ZDHHC15: variants seen among roughly 807,000 people sequenced by gnomAD.
ZDHHC15 encodes the protein palmitoyltransferase ZDHHC15.
ZDHHC15 carries 19 observed loss-of-function variants against 31.7 expected under a neutral mutation model. That is an observed-to-expected ratio of 0.60 (90% CI 0.42 to 0.88). The LOEUF (loss-of-function observed/expected upper bound fraction) is 0.88. Among genes scored for constraint, ZDHHC15 ranks in the 40% least tolerant of loss-of-function variants. The probability of loss-of-function intolerance (pLI) is 0.00; values close to 1 mark genes in which losing one functional copy is unlikely to be tolerated. For synonymous variants in ZDHHC15, 103 were observed against 90.0 expected (o/e 1.14, Z -0.82); for missense variants, 209 against 251.2 (o/e 0.83, Z 1.14).
chrX:75,493,946 G>C (rs1269643452), intron 2 of ZDHHC15, among the ~76,000 whole-genome samples: 2 of 111,351 alleles, frequency 1.8e-5, no homozygotes, highest in Admixed American at 9.6e-5. Context: ...AATAAGGCAG[G>C]GGAAGGAAAT....
intron 3 of ZDHHC15, among the ~76,000 whole-genome samples, chrX:75,468,383 G>A (rs775787492): frequency 1.9e-3 from 210 of 111,991 alleles, no homozygotes; most frequent in Middle Eastern, 4.7e-3. Flanking sequence ...GTTGTACCAT[G>A]TATCAGTACT....
At chrX:75,379,576 C>T (rs2083094043) in intron 10 of ZDHHC15, among the ~76,000 whole-genome samples, 1 of 111,647 alleles carries the variant, frequency 9.0e-6, no homozygotes, top group African/African-American at 3.3e-5. Context: ...TATTACAGTA[C>T]TTTAGGTGAT....
Position 75,463,284 on chromosome X carries a change from G to A in ZDHHC15, c.259-12362C>T, listed in dbSNP as rs773787119. Among the ~76,000 whole-genome samples, 8 of 111,120 alleles carry A rather than the reference G, an allele frequency of 7.2e-5. No individual in the cohort carries two copies. The East Asian group carries it at 2.0e-3, about 28-fold the overall frequency. On this transcript the variant is annotated intron_variant, in intron 3 of 11. Coordinates refer to ENST00000373367, the MANE Select transcript of ZDHHC15 (RefSeq NM_144969.3). ...ATAAACAGCCTACCAATCAAAAAAA[G>A]CCCAGGACCAGATGAATTCACAGCT...
At chrX:75,415,397 GA>G (rs1366573500) in intron 10 of ZDHHC15, among the ~76,000 whole-genome samples, 1 of 111,693 alleles carries the variant, frequency 9.0e-6, no homozygotes, top group Non-Finnish European at 1.9e-5. Flanking sequence ...AGCTATCTAA[GA>G]TGGCATAGTG....
intron 1 of ZDHHC15, among the ~76,000 whole-genome samples, chrX:75,508,443 C>A (rs184262646): frequency 1.7e-4 from 18 of 107,663 alleles, no homozygotes; most frequent in African/African-American, 5.8e-4. Context: ...TGATGGTTTC[C>A]AGCTTCATCC....
chrX:75,399,606 C>T (rs1025872113), intron 10 of ZDHHC15, among the ~76,000 whole-genome samples: 3 of 111,777 alleles, frequency 2.7e-5, no homozygotes, highest in Non-Finnish European at 5.6e-5. Flanking sequence ...TCCTCCTCTG[C>T]TGCCTCTACG....
intron 3 of ZDHHC15, among the ~76,000 whole-genome samples, chrX:75,469,596 T>C (rs1345234739): frequency 8.9e-6 from 1 of 112,232 alleles, no homozygotes; most frequent in Non-Finnish European, 1.9e-5. Context: ...TGAATAATAT[T>C]CCATTGTATG....
chrX:75,455,091 G>A (rs1053375930), intron 3 of ZDHHC15, among the ~76,000 whole-genome samples: 2 of 111,706 alleles, frequency 1.8e-5, no homozygotes, highest in Non-Finnish European at 3.8e-5. Flanking sequence ...CAAAGCTGGA[G>A]GCATCATGCT....
At chrX:75,476,512 T>C (rs913461977) in intron 3 of ZDHHC15, among the ~76,000 whole-genome samples, 1 of 111,400 alleles carries the variant, frequency 9.0e-6, no homozygotes. Flanking sequence ...CTTCATATTA[T>C]TTTCTTATAA....
chrX:75,494,695 T>A (rs1291863959), intron 2 of ZDHHC15, among the ~76,000 whole-genome samples: 2 of 112,358 alleles, frequency 1.8e-5, no homozygotes, highest in Middle Eastern at 4.6e-3. Flanking sequence ...AGATTCCCTA[T>A]TTAATAAATG....
At chrX:75,495,330 G>C (rs2084974868) in intron 2 of ZDHHC15, among the ~76,000 whole-genome samples, 2 of 111,740 alleles carry the variant, frequency 1.8e-5, no homozygotes, top group South Asian at 7.5e-4. Flanking sequence ...TACACTATTG[G>C]TGGGACTGTA....
At chrX:75,494,273 G>T (rs1045973279) in intron 2 of ZDHHC15, among the ~76,000 whole-genome samples, 5 of 111,375 alleles carry the variant, frequency 4.5e-5, no homozygotes, top group African/African-American at 6.5e-5. Flanking sequence ...ACTGCTCAAT[G>T]AAATAAAAGA....
chrX:75,394,082 C>A (rs1199369211), intron 10 of ZDHHC15, among the ~76,000 whole-genome samples: 1 of 111,755 alleles, frequency 8.9e-6, no homozygotes, highest in Non-Finnish European at 1.9e-5. Context: ...TTTGGCAACA[C>A]CATCACAGAC....
At chrX:75,375,505 T>C (rs2083050933) in intron 11 of ZDHHC15, among the ~76,000 whole-genome samples, 1 of 111,494 alleles carries the variant, frequency 9.0e-6, no homozygotes, top group African/African-American at 3.3e-5. Context: ...ATAGATCCCA[T>C]CACCTAGGTA....
chrX:75,422,724 C>A (rs2083660987), intron 8 of ZDHHC15, among the ~76,000 whole-genome samples: 1 of 111,349 alleles, frequency 9.0e-6, no homozygotes, highest in African/African-American at 3.3e-5. Context: ...GTCTCTAAGC[C>A]AAATGTGCTA....
chrX:75,393,772 T>A (rs1426697794), intron 10 of ZDHHC15, among the ~76,000 whole-genome samples: 1 of 111,543 alleles, frequency 9.0e-6, no homozygotes, highest in Non-Finnish European at 1.9e-5. Flanking sequence ...AATGGAATTA[T>A]ATATATGAGT....
intron 1 of ZDHHC15, among the ~76,000 whole-genome samples, chrX:75,519,507 C>T (rs989008936): frequency 3.6e-5 from 4 of 111,194 alleles, no homozygotes; most frequent in African/African-American, 9.8e-5. Context: ...AGTTACTTGC[C>T]CCAGGTCTCC....
rs6647742 is a variant in ZDHHC15, at chrX:75,445,955, T to C, written c.379+4847A>G. On this transcript the variant is annotated intron_variant, in intron 4 of 11. Transcript: ENST00000373367. ...AAACTCAGGCCACTATACAAGACAA[T>C]GTTGATTCTCCTCTGGACCCATCCC... 2.2e-4 allele frequency among the ~76,000 whole-genome samples: 24 copies of C among 111,080 alleles called. No individual in the cohort carries two copies. The East Asian group carries it at 6.6e-3, about 30-fold the overall frequency.
At chrX:75,437,138 C>T (rs1196938993) in intron 4 of ZDHHC15, among the ~76,000 whole-genome samples, 1 of 111,356 alleles carries the variant, frequency 9.0e-6, no homozygotes, top group Non-Finnish European at 1.9e-5. Flanking sequence ...GCCCCGGCCA[C>T]CCAAAGTGCT....
Sources: gnomAD v4.1 joint callset for allele counts (sites outside exome capture counted in the v4.1 genomes callset) on GRCh38, gnomAD v4.1.1 for gene constraint, MANE v1.5 for transcripts, NCBI Gene and HGNC (gene_info 2026-07-23, HGNC 2026-07-21) for gene names.